The following UBL3 variants were observed in gnomAD, a reference collection of about 807,000 sequenced individuals.
UBL3 encodes ubiquitin-like protein 3.
In UBL3, 6 loss-of-function variants were observed where a neutral mutation model predicts 18.4. The ratio of observed to expected loss-of-function variants is 0.33; its 90% CI spans 0.18 to 0.64. The LOEUF is 0.64. Among genes scored for constraint, UBL3 ranks in the 30% least tolerant of loss-of-function variants. The probability of loss-of-function intolerance (pLI) is 0.76; values close to 1 mark genes in which losing one functional copy is unlikely to be tolerated. For missense variants in UBL3, 109 were observed against 142.9 expected, an observed-to-expected ratio of 0.76 and a Z score of 1.21; for synonymous variants, 49 against 46.6, an observed-to-expected ratio of 1.05 and a Z score of -0.21.
chr13:29,784,987 C>T (rs1471939512), intron 1 of UBL3, among the ~76,000 whole-genome samples: 1 of 152,184 alleles, frequency 6.6e-6, no homozygotes, highest in East Asian at 1.9e-4. Context: ...CTCGCCGCAA[C>T]CTCCGGCTCC....
intron 1 of UBL3, among the ~76,000 whole-genome samples, chr13:29,802,440 C>T (rs1258439229): frequency 1.3e-5 from 2 of 152,182 alleles, no homozygotes; most frequent in African/African-American, 4.8e-5. Flanking sequence ...AATGACCACG[C>T]TAGTTCCCAG....
intron 1 of UBL3, among the ~76,000 whole-genome samples, chr13:29,795,345 C>T (rs1411319942): frequency 6.6e-6 from 1 of 151,914 alleles, no homozygotes; most frequent in African/African-American, 2.4e-5. Context: ...TAGGGAACTC[C>T]TAAGAATTTA....
At chr13:29,848,928 C>A (rs1879294848) in intron 1 of UBL3, among the ~76,000 whole-genome samples, 1 of 152,150 alleles carries the variant, frequency 6.6e-6, no homozygotes, top group Admixed American at 6.5e-5. Context: ...TTGTAAGTAC[C>A]AATACAGGGT....
At chr13:29,797,111 C>T (rs1218299224) in intron 1 of UBL3, among the ~76,000 whole-genome samples, 1 of 152,040 alleles carries the variant, frequency 6.6e-6, no homozygotes, top group Non-Finnish European at 1.5e-5. Context: ...CATTATCAAA[C>T]AGGCTCTAAA....
intron 1 of UBL3, among the ~76,000 whole-genome samples, chr13:29,836,292 T>G (rs955738849): frequency 6.6e-6 from 1 of 151,400 alleles, no homozygotes; most frequent in Non-Finnish European, 1.5e-5. Flanking sequence ...TCTTAGCAAC[T>G]AGAAGGATAA....
At chr13:29,771,266 A>C (rs1248712726) in intron 3 of UBL3, among the ~76,000 whole-genome samples, 4 of 152,072 alleles carry the variant, frequency 2.6e-5, no homozygotes, top group Admixed American at 2.6e-4. Context: ...AGACCATTTC[A>C]TTTGCCTATA....
intron 1 of UBL3, chr13:29,779,314 G>A (rs1376341204): frequency 6.8e-6 from 3 of 438,828 alleles, no homozygotes; most frequent in East Asian, 7.1e-5. Flanking sequence ...GAACTTATAC[G>A]GAATATTTAA....
chr13:29,796,425 T>C (rs1019877612), intron 1 of UBL3, among the ~76,000 whole-genome samples: 2 of 152,202 alleles, frequency 1.3e-5, no homozygotes, highest in African/African-American at 4.8e-5. Context: ...TTCAATTTCT[T>C]CTTTAGATAT....
At chr13:29,837,943 A>AATAATAATAATAATG (rs1169003246) in intron 1 of UBL3, among the ~76,000 whole-genome samples, 1 of 149,832 alleles carries the variant, frequency 6.7e-6, no homozygotes, top group Non-Finnish European at 1.5e-5. Flanking sequence ...TAATAATAAT[A>AATAATAATAATAATG]ATTTTAGCTA....
At position 29,849,658 on chromosome 13, in the gene UBL3, C is replaced by T. The variant is rs935796566; in HGVS notation, c.-120G>A. On this transcript the variant is annotated 5_prime_UTR_variant, in exon 1 of 5. Transcript: ENST00000380680. ...GACTGGTTCGTGATGTGCTTTCTCC[C>T]CCAAAAATAAAGTTATTTTGGAGCC... The T allele has an allele frequency of 1.5e-6, 2 of 1,339,952 alleles. No homozygotes were observed. Among genetic ancestry groups the T allele is most frequent in the East Asian group, 2.4e-5 (1 of 42,072 alleles). 83.0% of individuals were successfully genotyped at this position (1,339,952 alleles called of 1,614,324 possible). A position where few individuals can be genotyped will look rare whatever the true frequency, so the allele number is the denominator to read the frequency against.
chr13:29,787,112 G>C (rs955325721), intron 1 of UBL3, among the ~76,000 whole-genome samples: 2 of 152,034 alleles, frequency 1.3e-5, no homozygotes, highest in African/African-American at 2.4e-5. Flanking sequence ...AAGCTGTTGG[G>C]CTATAGAGAT....
intron 1 of UBL3, among the ~76,000 whole-genome samples, chr13:29,777,970 T>A (rs570463191): frequency 2.7e-4 from 41 of 152,306 alleles, no homozygotes; most frequent in African/African-American, 9.4e-4. Flanking sequence ...TTTCACTATG[T>A]TGGCCAGGCT....
At chr13:29,822,067 G>A (rs1878468054) in intron 1 of UBL3, among the ~76,000 whole-genome samples, 1 of 152,304 alleles carries the variant, frequency 6.6e-6, no homozygotes, top group East Asian at 1.9e-4. Context: ...TGCCTTGGTT[G>A]AATATATATG....
intron 1 of UBL3, among the ~76,000 whole-genome samples, chr13:29,840,542 T>C (rs761796099): frequency 3.9e-5 from 3 of 76,612 alleles, no homozygotes; most frequent in Non-Finnish European, 8.5e-5. Context: ...TGCTAGCCAA[T>C]TGTTTTCATG....
At chr13:29,773,179 A>G (rs1876889632) in intron 2 of UBL3, among the ~76,000 whole-genome samples, 3 of 152,222 alleles carry the variant, frequency 2.0e-5, no homozygotes, top group African/African-American at 4.8e-5. Flanking sequence ...GGAAGTAACT[A>G]GAGACTTTTC....
chr13:29,806,103 C>T (rs901786140), intron 1 of UBL3, among the ~76,000 whole-genome samples: 5 of 152,064 alleles, frequency 3.3e-5, no homozygotes, highest in African/African-American at 7.2e-5. Context: ...CTTGAGCCCA[C>T]GAGGCAGAGG....
intron 2 of UBL3, among the ~76,000 whole-genome samples, chr13:29,776,173 TTG>T (rs2139310667): frequency 6.6e-6 from 1 of 152,160 alleles, no homozygotes; most frequent in Non-Finnish European, 1.5e-5. Flanking sequence ...TCTTTCCTCT[TTG>T]TGTTTTGGTA....
rs184619444 is a variant in UBL3 at position 29,765,029 on chromosome 13, C to T, written c.*2226G>A. 41 of 151,766 alleles carry T rather than the reference C, an allele frequency of 2.7e-4. No individual in the cohort carries two copies. Among genetic ancestry groups the T allele is most frequent in the Non-Finnish European group, 4.7e-4 (32 of 67,914 alleles). 9.4% of individuals were successfully genotyped at this position (151,766 alleles called of 1,614,324 possible). On this transcript the variant is annotated 3_prime_UTR_variant, in exon 5 of 5. Transcript: ENST00000380680. Reference sequence around the variant, plus strand: ...TACAACTATGATATTAGGTATTAAGCGACGTAATTCTTTCTCTACTAGTGA... The same window carrying T: ...TACAACTATGATATTAGGTATTAAGTGACGTAATTCTTTCTCTACTAGTGA...
intron 1 of UBL3, among the ~76,000 whole-genome samples, chr13:29,809,376 G>A (rs1479298496): frequency 1.3e-5 from 2 of 152,086 alleles, no homozygotes; most frequent in Non-Finnish European, 2.9e-5. Flanking sequence ...AAAAGCCTTG[G>A]CACATCTGAG....
Sources: gnomAD v4.1 joint callset for allele counts (sites outside exome capture counted in the v4.1 genomes callset) on GRCh38, gnomAD v4.1.1 for gene constraint, MANE v1.5 for transcripts, NCBI Gene and HGNC (gene_info 2026-07-23, HGNC 2026-07-21) for gene names.